Variants in RAPGEF2 observed in about 807,000 individuals in gnomAD.
RAPGEF2 encodes the protein PDZ domain containing guanine nucleotide exchange factor (GEF) 1.
RAPGEF2 carries 54 observed loss-of-function variants against 186.7 expected under a neutral mutation model. The observed-to-expected ratio is 0.29, with a 90% CI of 0.23 to 0.36. The LOEUF is 0.36. RAPGEF2 is among the 10% of genes least tolerant of loss of function. The pLI, the probability that RAPGEF2 is intolerant of heterozygous loss-of-function variation, is 1.00. For synonymous variants in RAPGEF2, 712 were observed against 705.9 expected (o/e 1.01, Z -0.14); for missense variants, 1,532 against 2,045.0 (o/e 0.75, Z 4.84).
At chr4:159,145,503 G>GCCAAAAACATTA (rs1214252339) in intron 1 of RAPGEF2, among the ~76,000 whole-genome samples, 2 of 151,472 alleles carry the variant, frequency 1.3e-5, no homozygotes, top group Non-Finnish European at 2.9e-5. Context: ...CAAAAACATT[G>GCCAAAAACATTA]CCAAAAACAT....
chr4:159,315,792 C>G (rs949571981), intron 9 of RAPGEF2, among the ~76,000 whole-genome samples: 2 of 152,184 alleles, frequency 1.3e-5, no homozygotes, highest in African/African-American at 2.4e-5. Flanking sequence ...TTAGTACTTT[C>G]ACTAATTTAC....
intron 4 of RAPGEF2, among the ~76,000 whole-genome samples, chr4:159,220,132 T>C (rs190720256): frequency 6.6e-6 from 1 of 152,134 alleles, no homozygotes; most frequent in East Asian, 1.9e-4. Context: ...GAGGAGACAA[T>C]GGGGAAAGAA....
intron 7 of RAPGEF2, among the ~76,000 whole-genome samples, chr4:159,261,314 G>A (rs1238702679): frequency 6.6e-6 from 1 of 151,914 alleles, no homozygotes; most frequent in Non-Finnish European, 1.5e-5. Flanking sequence ...CGCCCACCTT[G>A]ACCTCCCAAA....
At chr4:159,296,987 A>G (rs1762100121) in intron 7 of RAPGEF2, among the ~76,000 whole-genome samples, 1 of 152,188 alleles carries the variant, frequency 6.6e-6, no homozygotes, top group East Asian at 1.9e-4. Context: ...TATTTTCCTC[A>G]TCGGGGTCCC....
chr4:159,194,401 T>C (rs185825081), intron 3 of RAPGEF2, among the ~76,000 whole-genome samples: 116 of 152,290 alleles, frequency 7.6e-4, no homozygotes, highest in African/African-American at 2.6e-3. Flanking sequence ...TAACATGTTA[T>C]GGAAAATTTC....
Position 159,332,028 on chromosome 4 carries a change from T to G in RAPGEF2, c.1882T>G (p.Leu628Val). The G allele has an allele frequency of 6.3e-7, 1 of 1,576,972 alleles. No homozygotes were observed. Among genetic ancestry groups the G allele is most frequent in the Non-Finnish European group, 8.6e-7 (1 of 1,157,488 alleles). Residue 628 changes from leucine to valine, a missense_variant, in exon 16 of 30, where the codon TTA (leucine) becomes GTA (valine). Coordinates refer to ENST00000691494, the MANE Select transcript of RAPGEF2 (RefSeq NM_001394067.2). ...TTTATCTATCACTGTGAAAACCAATTTATTTGGTAAGTATTTTGCATACTT... is the reference window on the plus strand; with the variant it reads ...TTTATCTATCACTGTGAAAACCAATGTATTTGGTAAGTATTTTGCATACTT... ...THLSITVKTN[L>V]FVFKELLTRL...
intron 1 of RAPGEF2, among the ~76,000 whole-genome samples, chr4:159,173,060 T>A (rs1746080491): frequency 6.6e-6 from 1 of 152,202 alleles, no homozygotes; most frequent in Admixed American, 6.5e-5. Context: ...TAATTACATA[T>A]GTCGAATATT....
intron 4 of RAPGEF2, among the ~76,000 whole-genome samples, chr4:159,213,960 A>G (rs1164577553): frequency 6.6e-6 from 1 of 152,346 alleles, no homozygotes; most frequent in East Asian, 1.9e-4. Flanking sequence ...ATGTTGTTAC[A>G]TATATTGTTG....
chr4:159,306,097 C>T (rs1763258103), intron 8 of RAPGEF2, among the ~76,000 whole-genome samples: 1 of 151,376 alleles, frequency 6.6e-6, no homozygotes, highest in Non-Finnish European at 1.5e-5. Context: ...CTCAAGATTG[C>T]TTTCACTATT....
At chr4:159,286,127 A>T (rs1029871632) in intron 7 of RAPGEF2, among the ~76,000 whole-genome samples, 1 of 148,978 alleles carries the variant, frequency 6.7e-6, no homozygotes, top group Non-Finnish European at 1.5e-5. Flanking sequence ...TCAACAAACT[A>T]TTAGAGTCCC....
At chr4:159,106,286 G>C (rs994336155) in intron 1 of RAPGEF2, among the ~76,000 whole-genome samples, 1 of 152,116 alleles carries the variant, frequency 6.6e-6, no homozygotes, top group Non-Finnish European at 1.5e-5. Context: ...TGTTCGTTTG[G>C]TTATTACTAC....
Position 159,337,162 on chromosome 4 carries a change from A to G in RAPGEF2, c.2136-1149A>G, listed in dbSNP as rs1351929921. On this transcript the variant is annotated intron_variant, in intron 17 of 29. Coordinates refer to ENST00000691494, the MANE Select transcript of RAPGEF2 (RefSeq NM_001394067.2). Reference sequence around the variant, plus strand: ...TCTCTGGATACTTAAATGTGTAGCTAGAAATTTTGATCAGAGAATTAAAAG... The same window carrying G: ...TCTCTGGATACTTAAATGTGTAGCTGGAAATTTTGATCAGAGAATTAAAAG... Among the ~76,000 whole-genome samples the G allele has an allele frequency of 3.7e-4, 56 of 152,250 alleles. 1 individual carries two copies. Among genetic ancestry groups the G allele is most frequent in the Non-Finnish European group, 1.5e-5 (1 of 68,038 alleles).
In RAPGEF2 at chr4:159,222,779, A is replaced by G. The variant is rs1751660678; in HGVS notation, c.281+12196A>G. 2.6e-5 allele frequency among the ~76,000 whole-genome samples: 4 copies of G among 152,334 alleles called. No homozygotes were observed. The South Asian group carries it at 8.3e-4, about 32-fold the overall frequency. Reference sequence around the variant, plus strand: ...CTCTGTATTGGGGTCGCTAACAGAAAATAACAAGAGTAAGAATATGGTTAA... The same window carrying G: ...CTCTGTATTGGGGTCGCTAACAGAAGATAACAAGAGTAAGAATATGGTTAA... On this transcript the variant is annotated intron_variant, in intron 4 of 29. Transcript: ENST00000691494.
intron 3 of RAPGEF2, among the ~76,000 whole-genome samples, chr4:159,209,208 A>G (rs1464030181): frequency 7.1e-6 from 1 of 139,914 alleles, no homozygotes; most frequent in South Asian, 2.3e-4. Context: ...AAAAAAAAAA[A>G]AACCCTCACA....
At chr4:159,142,224 T>C (rs1160226311) in intron 1 of RAPGEF2, among the ~76,000 whole-genome samples, 1 of 152,208 alleles carries the variant, frequency 6.6e-6, no homozygotes. Context: ...ATGTCTTTAT[T>C]CTTTCTTCCC....
intron 8 of RAPGEF2, among the ~76,000 whole-genome samples, chr4:159,311,677 A>G (rs544907059): frequency 6.6e-6 from 1 of 152,306 alleles, no homozygotes; most frequent in African/African-American, 2.4e-5. Flanking sequence ...GTTTGTTCAC[A>G]CAGTAAATAC....
intron 9 of RAPGEF2, among the ~76,000 whole-genome samples, chr4:159,315,000 T>C (rs995476948): frequency 2.0e-5 from 3 of 151,730 alleles, no homozygotes; most frequent in Non-Finnish European, 4.4e-5. Flanking sequence ...TAGTAAACCC[T>C]TTCCACATAA....
At chr4:159,308,414 C>T (rs1763562916) in intron 8 of RAPGEF2, among the ~76,000 whole-genome samples, 1 of 152,176 alleles carries the variant, frequency 6.6e-6, no homozygotes, top group African/African-American at 2.4e-5. Flanking sequence ...GTCTTTGAAT[C>T]TGAACTTAAA....
intron 7 of RAPGEF2, among the ~76,000 whole-genome samples, chr4:159,283,421 A>C (rs1190687476): frequency 1.3e-5 from 2 of 152,188 alleles, no homozygotes; most frequent in African/African-American, 4.8e-5. Context: ...GCATGGTGTG[A>C]AGCATCCAGG....
Sources: gnomAD v4.1 joint callset for allele counts (sites outside exome capture counted in the v4.1 genomes callset) on GRCh38, gnomAD v4.1.1 for gene constraint, MANE v1.5 for transcripts, NCBI Gene and HGNC (gene_info 2026-07-23, HGNC 2026-07-21) for gene names.